The following CPQ variants were observed in gnomAD, a reference collection of about 807,000 sequenced individuals.
CPQ encodes the protein carboxypeptidase Q.
A neutral mutation model predicts 45.7 loss-of-function variants in CPQ; 37 were observed. The ratio of observed to expected loss-of-function variants is 0.81; its 90% CI spans 0.62 to 1.07. The LOEUF (loss-of-function observed/expected upper bound fraction) is 1.07. Among genes scored for constraint, CPQ ranks in the 50% least tolerant of loss-of-function variants. The pLI, the probability that CPQ is intolerant of heterozygous loss-of-function variation, is 0.00. For synonymous variants in CPQ, 186 were observed against 205.8 expected (o/e 0.90, Z 0.82); for missense variants, 537 against 572.9 (o/e 0.94, Z 0.64).
chr8:96,989,740 G>C (rs1418714408), intron 5 of CPQ, among the ~76,000 whole-genome samples: 1 of 152,094 alleles, frequency 6.6e-6, no homozygotes, highest in Non-Finnish European at 1.5e-5. Context: ...GTCTCCCCCT[G>C]AACCTTTAGC....
At chr8:97,010,724 C>A (rs187734097) in intron 5 of CPQ, among the ~76,000 whole-genome samples, 2 of 152,138 alleles carry the variant, frequency 1.3e-5, no homozygotes, top group South Asian at 4.1e-4. Flanking sequence ...TTTTGACTCT[C>A]CCTCTGGTAT....
In CPQ at chr8:96,993,309, C is replaced by T. The variant is rs180995395; in HGVS notation, c.961+27263C>T. ...AGCTTTATATAAAATATAGTGATTACCAAATTCAAGAGTCAATGTCCTGTT... is the reference window on the plus strand; with the variant it reads ...AGCTTTATATAAAATATAGTGATTATCAAATTCAAGAGTCAATGTCCTGTT... On this transcript the variant is annotated intron_variant, in intron 5 of 7. Transcript: ENST00000220763. Among the ~76,000 whole-genome samples the T allele has an allele frequency of 2.2e-3, 337 of 152,150 alleles. 2 individuals are homozygous for T. Among genetic ancestry groups the T allele is most frequent in the Admixed American group, 3.2e-3 (49 of 15,264 alleles).
At chr8:96,684,973 G>C (rs192813516) in intron 1 of CPQ, among the ~76,000 whole-genome samples, 1 of 151,898 alleles carries the variant, frequency 6.6e-6, no homozygotes, top group African/African-American at 2.4e-5. Context: ...GCATGGTGGC[G>C]CTTGCCTGTA....
intron 1 of CPQ, among the ~76,000 whole-genome samples, chr8:96,668,901 T>G (rs1467583203): frequency 6.6e-6 from 1 of 150,598 alleles, no homozygotes; most frequent in Non-Finnish European, 1.5e-5. Flanking sequence ...CAAAAGCCTG[T>G]TTTCTCTAAC....
intron 4 of CPQ, among the ~76,000 whole-genome samples, chr8:96,963,198 A>G (rs959100030): frequency 6.6e-6 from 1 of 152,172 alleles, no homozygotes; most frequent in African/African-American, 2.4e-5. Flanking sequence ...TCTGAGAAAA[A>G]GTTTATTGAA....
chr8:96,728,438 A>G (rs540670815), intron 1 of CPQ, among the ~76,000 whole-genome samples: 73 of 152,096 alleles, frequency 4.8e-4, no homozygotes, highest in Admixed American at 1.3e-3. Flanking sequence ...TCTTGTCCTA[A>G]TGGATTGGTG....
chr8:97,006,925 A>G (rs1809394813), intron 5 of CPQ, among the ~76,000 whole-genome samples: 1 of 152,212 alleles, frequency 6.6e-6, no homozygotes, highest in East Asian at 1.9e-4. Context: ...ATGAGGGCAG[A>G]GATTCTTTTT....
intron 1 of CPQ, among the ~76,000 whole-genome samples, chr8:96,753,370 G>A (rs1810287313): frequency 6.6e-6 from 1 of 151,964 alleles, no homozygotes; most frequent in African/African-American, 2.4e-5. Context: ...TTAAACAGTT[G>A]AACTATTTTC....
intron 1 of CPQ, among the ~76,000 whole-genome samples, chr8:96,667,101 C>CAA (rs56711860): frequency 1.3e-5 from 2 of 151,310 alleles, no homozygotes; most frequent in African/African-American, 4.9e-5. Flanking sequence ...ACTTCTCCCA[C>CAA]AAAAAAATCT....
At chr8:96,837,929 C>T (rs59883479) in intron 3 of CPQ, among the ~76,000 whole-genome samples, 1 of 152,312 alleles carries the variant, frequency 6.6e-6, no homozygotes, top group East Asian at 1.9e-4. Context: ...AGCTCCATTT[C>T]CCAGCATGAC....
chr8:96,729,908 T>G (rs769505991), intron 1 of CPQ, among the ~76,000 whole-genome samples: 57 of 152,146 alleles, frequency 3.7e-4, no homozygotes, highest in Non-Finnish European at 8.1e-4. Flanking sequence ...GACAAGCCAG[T>G]TGGTCTGTAC....
intron 1 of CPQ, among the ~76,000 whole-genome samples, chr8:96,648,538 T>G (rs189850452): frequency 6.6e-6 from 1 of 152,334 alleles, no homozygotes; most frequent in Non-Finnish European, 1.5e-5. Context: ...AATTTTACTT[T>G]ATTTTATTCA....
At chr8:96,734,832 A>C (rs1809960005) in intron 1 of CPQ, among the ~76,000 whole-genome samples, 1 of 152,256 alleles carries the variant, frequency 6.6e-6, no homozygotes, top group Admixed American at 6.5e-5. Flanking sequence ...GGTGACCTAC[A>C]AGGTCTTTGT....
intron 6 of CPQ, among the ~76,000 whole-genome samples, chr8:97,042,939 G>A (rs1355758545): frequency 6.6e-6 from 1 of 152,032 alleles, no homozygotes; most frequent in East Asian, 1.9e-4. Flanking sequence ...GTGTGGTGTG[G>A]TGCTGAAAAA....
At chr8:97,102,520 G>A (rs979162524) in intron 7 of CPQ, among the ~76,000 whole-genome samples, 3 of 152,106 alleles carry the variant, frequency 2.0e-5, no homozygotes, top group Non-Finnish European at 4.4e-5. Context: ...TCTTTTACTC[G>A]CAGTTTCAAG....
intron 1 of CPQ, among the ~76,000 whole-genome samples, chr8:96,784,233 A>C (rs1024767227): frequency 6.6e-6 from 1 of 152,188 alleles, no homozygotes; most frequent in African/African-American, 2.4e-5. Context: ...TTGGTAACAA[A>C]GCCCAGTCTT....
At chr8:96,758,391 T>TGTGG (rs1810353929) in intron 1 of CPQ, among the ~76,000 whole-genome samples, 3 of 152,214 alleles carry the variant, frequency 2.0e-5, no homozygotes, top group Non-Finnish European at 4.4e-5. Flanking sequence ...GAAGCACCCA[T>TGTGG]TTTATGTGGT....
At chr8:96,774,270 CAA>C (rs764110279) in intron 1 of CPQ, among the ~76,000 whole-genome samples, 11 of 108,636 alleles carry the variant, frequency 1.0e-4, no homozygotes, top group Non-Finnish European at 1.4e-4. Flanking sequence ...GACTCAGTCT[CAA>C]AAAAAAAAAA....
chr8:96,752,446 A>G (rs551493324), intron 1 of CPQ, among the ~76,000 whole-genome samples: 1 of 152,256 alleles, frequency 6.6e-6, no homozygotes, highest in African/African-American at 2.4e-5. Flanking sequence ...GTTGGTGTAT[A>G]GTAATGCTAG....
Sources: allele counts gnomAD v4.1 joint callset (sites outside exome capture counted in the v4.1 genomes callset), GRCh38; gene constraint gnomAD v4.1.1; transcripts MANE v1.5; gene names NCBI Gene and HGNC (gene_info 2026-07-23, HGNC 2026-07-21).